CYBB: variants seen among roughly 807,000 people sequenced by gnomAD.
CYBB encodes the protein NADPH oxidase 2.
CYBB carries 5 observed loss-of-function variants against 46.5 expected under a neutral mutation model. That is an observed-to-expected ratio of 0.11 (90% CI 0.06 to 0.23). The LOEUF is 0.23. Among genes scored for constraint, CYBB ranks in the 10% least tolerant of loss-of-function variants. The probability of loss-of-function intolerance (pLI) is 1.00; values close to 1 mark genes in which losing one functional copy is unlikely to be tolerated. For synonymous variants in CYBB, 183 were observed against 156.7 expected (o/e 1.17, Z -1.26); for missense variants, 307 against 428.3 (o/e 0.72, Z 2.50).
chrX:37,812,661 A>C lies in CYBB; in HGVS notation c.*1744A>C, dbSNP rs1411421721. The C allele has an allele frequency of 8.9e-6, 1 of 111,938 alleles. No individual in the cohort carries two copies. Among genetic ancestry groups the C allele is most frequent in the Admixed American group, 9.5e-5 (1 of 10,577 alleles). 9.2% of individuals were successfully genotyped at this position (111,938 alleles called of 1,213,427 possible). On this transcript the variant is annotated 3_prime_UTR_variant, in exon 13 of 13. Coordinates refer to ENST00000378588, the MANE Select transcript of CYBB (RefSeq NM_000397.4). ...TATTCAAGGGACTAGGATGAACTAA[A>C]TAAGAACTCAGTTGTTCTTTGTCAT...
intron 3 of CYBB, among the ~76,000 whole-genome samples, chrX:37,784,695 T>G (rs1315477817): frequency 9.0e-6 from 1 of 111,662 alleles, no homozygotes; most frequent in East Asian, 2.8e-4. Context: ...GCTTCTAGGT[T>G]TTTTTTAAAA....
intron 10 of CYBB, among the ~76,000 whole-genome samples, chrX:37,805,881 G>A (rs1259653342): frequency 8.9e-6 from 1 of 112,105 alleles, no homozygotes; most frequent in Non-Finnish European, 1.9e-5. Flanking sequence ...TCTAATAACT[G>A]TAAAGATAAA....
intron 6 of CYBB, among the ~76,000 whole-genome samples, chrX:37,797,647 T>C (rs181253269): frequency 7.5e-4 from 84 of 112,228 alleles, no homozygotes; most frequent in African/African-American, 2.6e-3. Context: ...TAGTTATTTT[T>C]TGGACTCTTA....
intron 1 of CYBB, among the ~76,000 whole-genome samples, chrX:37,781,437 T>C (rs1372270765): frequency 8.9e-6 from 1 of 112,438 alleles, no homozygotes; most frequent in Non-Finnish European, 1.9e-5. Flanking sequence ...AAAAGATCAC[T>C]ATGGAGCTGA....
chrX:37,783,719 A>T, intron 3 of CYBB, 119 bp downstream of exon 3: 1 of 532,661 alleles, frequency 1.9e-6, no homozygotes, highest in Non-Finnish European at 3.3e-6. Flanking sequence ...TAGAATACTC[A>T]TGAGCCAAGC....
intron 3 of CYBB, among the ~76,000 whole-genome samples, chrX:37,788,191 T>C (rs1556465929): frequency 8.9e-6 from 1 of 111,854 alleles, no homozygotes; most frequent in East Asian, 2.8e-4. Context: ...GTGATTATGA[T>C]GATAAGGATA....
intron 8 of CYBB, among the ~76,000 whole-genome samples, chrX:37,801,611 T>C (rs1929441856): frequency 9.2e-6 from 1 of 108,767 alleles, no homozygotes; most frequent in Non-Finnish European, 1.9e-5. Context: ...TGTGTGTGTG[T>C]GTGTGTGTGT....
chrX:37,783,068 T>C (rs781944693), intron 2 of CYBB, among the ~76,000 whole-genome samples: 7 of 111,694 alleles, frequency 6.3e-5, no homozygotes, highest in Non-Finnish European at 1.3e-4. Flanking sequence ...GTTAATGATA[T>C]GCACCTTAAG....
Position 37,803,981 on chromosome X carries a change from G to T in CYBB, c.1002G>T (p.Lys334Asn). ...TTGTCAAGTGCCCAAAGGTGTCCAA[G>T]CTGGAGTGGCACCCTTTTACACTGA... ...YIFVKCPKVS[K>N]LEWHPFTLTS... The change falls in exon 9 of 13, where the codon AAG (lysine) becomes AAT (asparagine). Residue 334 changes from lysine (K) to asparagine (N), a missense_variant. Transcript: ENST00000378588. The T allele has an allele frequency of 8.3e-7, 1 of 1,211,214 alleles. No homozygotes were observed. Among genetic ancestry groups the T allele is most frequent in the Non-Finnish European group, 1.1e-6 (1 of 895,263 alleles).
chrX:37,800,048 A>G (rs1929404230), intron 7 of CYBB, among the ~76,000 whole-genome samples: 1 of 111,511 alleles, frequency 9.0e-6, no homozygotes, highest in African/African-American at 3.3e-5. Context: ...AATGGAAGCA[A>G]CCAGACATAT....
intron 3 of CYBB, among the ~76,000 whole-genome samples, chrX:37,790,126 G>A (rs949073086): frequency 9.0e-6 from 1 of 111,598 alleles, no homozygotes; most frequent in Non-Finnish European, 1.9e-5. Flanking sequence ...CAAAGTAAAT[G>A]AATAAAAAAC....
chrX:37,812,051 C>T lies in CYBB; in HGVS notation c.*1134C>T, dbSNP rs994711367. On this transcript the variant is annotated 3_prime_UTR_variant, in exon 13 of 13. Coordinates refer to ENST00000378588, the MANE Select transcript of CYBB (RefSeq NM_000397.4). ...TAAATAACACCCACCCCTTATTTTCCGTAAATACACACACAAAATGGATCG... is the reference window on the plus strand; with the variant it reads ...TAAATAACACCCACCCCTTATTTTCTGTAAATACACACACAAAATGGATCG... The T allele has an allele frequency of 1.2e-4, 13 of 111,866 alleles. No individual in the cohort carries two copies. Among genetic ancestry groups the T allele is most frequent in the South Asian group, 7.5e-4 (2 of 2,679 alleles). 9.2% of individuals were successfully genotyped at this position (111,866 alleles called of 1,213,427 possible). A position where few individuals can be genotyped will look rare whatever the true frequency, so the allele number is the denominator to read the frequency against.
intron 11 of CYBB, among the ~76,000 whole-genome samples, chrX:37,807,522 C>T (rs1929589489): frequency 9.1e-6 from 1 of 109,922 alleles, no homozygotes; most frequent in South Asian, 3.8e-4. Flanking sequence ...ATGTCACCAA[C>T]CCTATGAAGT....
chrX:37,788,131 G>T (rs188678602), intron 3 of CYBB, among the ~76,000 whole-genome samples: 73 of 112,090 alleles, frequency 6.5e-4, no homozygotes, highest in African/African-American at 2.3e-3. Context: ...TACAGTTAAA[G>T]CTATCAGGGG....
chrX:37,789,001 C>T (rs1267489787), intron 3 of CYBB, among the ~76,000 whole-genome samples: 1 of 111,254 alleles, frequency 9.0e-6, no homozygotes, highest in Non-Finnish European at 1.9e-5. Context: ...TAAGTAAAAA[C>T]CCTCTTCCAA....
chrX:37,796,115 C>G lies in CYBB; in HGVS notation c.648C>G (p.Phe216Leu). 8.3e-7 allele frequency: 1 copy of G among 1,209,443 alleles called. No individual in the cohort carries two copies. Among genetic ancestry groups the G allele is most frequent in the Non-Finnish European group, 1.1e-6 (1 of 893,522 alleles). ...WYTHHLFVIFFIGLAIHGAER... is the reference protein window; with the variant it reads ...WYTHHLFVIFLIGLAIHGAER... ...CACATCATCTCTTTGTGATCTTCTT[C>G]ATTGGCCTTGCCATCCATGGAGCTG... is the stretch of plus-strand genomic sequence containing the variant. The change falls in exon 6 of 13, where the codon TTC becomes TTG. Residue 216 changes from phenylalanine (F) to leucine (L), a missense_variant. By Grantham distance (22) the Phe-to-Leu change is conservative. Transcript: ENST00000378588.
Position 37,804,171 on chromosome X carries a change from GA to G in CYBB, c.1151+46del, listed in dbSNP as rs1556470884. 5 of 1,180,485 alleles carry G rather than the reference GA, an allele frequency of 4.2e-6. No homozygotes were observed. In the South Asian group the frequency reaches 8.9e-5, roughly 21 times the overall value. On this transcript the variant is annotated intron_variant, in intron 9 of 12. Transcript: ENST00000378588. Reference sequence around the variant, plus strand: ...ATATTACCAACGTATATGAGTTCAGGAAAAATGGCACTAAATAGCTCCTCTT... The same window carrying G: ...ATATTACCAACGTATATGAGTTCAGGAAAATGGCACTAAATAGCTCCTCTT...
intron 11 of CYBB, among the ~76,000 whole-genome samples, chrX:37,807,974 T>C (rs1026917144): frequency 8.9e-6 from 1 of 111,971 alleles, no homozygotes; most frequent in African/African-American, 3.2e-5. Context: ...AAGGTAATGA[T>C]TCCTGGAGTG....
chrX:37,807,836 C>T (rs1556472167), intron 11 of CYBB, among the ~76,000 whole-genome samples: 1 of 111,076 alleles, frequency 9.0e-6, no homozygotes, highest in Non-Finnish European at 1.9e-5. Context: ...TTGCTCTGCT[C>T]CTCCCCAAGA....
Sources: allele counts gnomAD v4.1 joint callset (sites outside exome capture counted in the v4.1 genomes callset), GRCh38; gene constraint gnomAD v4.1.1; transcripts MANE v1.5; gene names NCBI Gene and HGNC (gene_info 2026-07-23, HGNC 2026-07-21).